The following RTBDN variants were observed in gnomAD, a reference collection of about 807,000 sequenced individuals.
RTBDN encodes retbindin.
Under a neutral mutation model 21.9 loss-of-function variants are expected in RTBDN, and 24 were observed. The ratio of observed to expected loss-of-function variants is 1.10; its 90% CI spans 0.79 to 1.54. RTBDN has a LOEUF of 1.54. RTBDN is among the 40% of genes most tolerant of loss of function. The probability of loss-of-function intolerance (pLI) is 0.00; values close to 1 mark genes in which losing one functional copy is unlikely to be tolerated. For missense variants in RTBDN, 325 were observed against 315.2 expected (o/e 1.03, Z -0.23); for synonymous variants, 141 against 125.9 (o/e 1.12, Z -0.80).
At chr19:12,826,567 G>T (rs765040748) in intron 5 of RTBDN, 16 of 701,270 alleles carry the variant, frequency 2.3e-5, no homozygotes, top group Non-Finnish European at 3.6e-5. Flanking sequence ...GGTGGCATGC[G>T]CCTGAAATCC....
At chr19:12,826,045 AGCGT>A in intron 5 of RTBDN, 112 bp from the exon 6 acceptor site, 1 of 1,430,018 alleles carries the variant, frequency 7.0e-7, no homozygotes, top group Non-Finnish European at 9.2e-7. Flanking sequence ...TCAGAGCCGG[AGCGT>A]GCGGCCTGGG....
rs1326205977 is a variant in RTBDN, at chr19:12,825,680, TC to T, written c.*25del. ...GGGGCGGGGCTGGGGGAAGGGTCGC[TC>T]CCCCAACTCAGGGCCACGCGTCCGC... On this transcript the variant is annotated 3_prime_UTR_variant, in exon 6 of 6. Coordinates refer to ENST00000674343, the MANE Select transcript of RTBDN (RefSeq NM_001270441.2). 2.6e-6 allele frequency: 4 copies of T among 1,544,356 alleles called. No individual in the cohort carries two copies. Among genetic ancestry groups the T allele is most frequent in the Non-Finnish European group, 3.5e-6 (4 of 1,145,322 alleles).
intron 1 of RTBDN, among the ~76,000 whole-genome samples, chr19:12,832,222 T>C (rs2145864094): frequency 6.6e-6 from 1 of 152,296 alleles, no homozygotes; most frequent in Non-Finnish European, 1.5e-5. Flanking sequence ...GTGCCTCTCA[T>C]CTCAGGGCAA....
In RTBDN at chr19:12,834,041, G is replaced by T; in HGVS notation, c.-19+448C>A. 1 of 398,516 alleles carries T rather than the reference G, an allele frequency of 2.5e-6. No homozygotes were observed. The highest frequency in any genetic ancestry group is 4.4e-6 in the Non-Finnish European group (1 of 225,994). 24.7% of individuals were successfully genotyped at this position (398,516 alleles called of 1,614,324 possible). ...TGCCTGGGCCCCGGGTGGAGAGGAA[G>T]GGGTCGGCGCCCTGGGGCGGGGCTG... On this transcript the variant is annotated intron_variant, in intron 1 of 5. Coordinates refer to ENST00000674343, the MANE Select transcript of RTBDN (RefSeq NM_001270441.2). This position sits in a 1 kb window ranked among gnomAD's most constrained non-coding sequence, Gnocchi z 4.7.
At chr19:12,832,141 T>A (rs1969596640) in intron 1 of RTBDN, among the ~76,000 whole-genome samples, 1 of 152,170 alleles carries the variant, frequency 6.6e-6, no homozygotes, top group Non-Finnish European at 1.5e-5. Flanking sequence ...GTGGAGTATA[T>A]GTTTGCAGAG....
rs1969323835 is a variant in RTBDN at position 12,826,857 on chromosome 19, T to A, written c.380A>T (p.Glu127Val). 3 of 1,551,702 alleles carry A rather than the reference T, an allele frequency of 1.9e-6. No individual in the cohort carries two copies. Among genetic ancestry groups the A allele is most frequent in the Non-Finnish European group, 2.6e-6 (3 of 1,148,026 alleles). Residue 127 changes from glutamate (E) to valine (V), a missense_variant, in exon 5 of 6, where the codon GAA becomes GTA. By Grantham distance (121) the Glu-to-Val change is moderately radical. Coordinates refer to ENST00000674343, the MANE Select transcript of RTBDN (RefSeq NM_001270441.2). ...AGTCGGGCCGCAGGTGATATCATCT[T>A]CGCAGTTGGCGAACCTGGAGATGGC... ...ELCQAWFANCEDDITCGPTWL... is the reference protein window; with the variant it reads ...ELCQAWFANCVDDITCGPTWL...
upstream of RTBDN, chr19:12,835,380 T>G: frequency 2.1e-6 from 1 of 470,820 alleles, no homozygotes. Flanking sequence ...GCGGCAAAGT[T>G]AGAGCAAGTA....
At chr19:12,828,277 C>G (rs1436933262) in intron 4 of RTBDN, among the ~76,000 whole-genome samples, 2 of 151,548 alleles carry the variant, frequency 1.3e-5, no homozygotes, top group Admixed American at 6.6e-5. Context: ...GCGCCTGTAA[C>G]CACAGCTACT....
chr19:12,834,896 A>C, upstream of RTBDN: 1 of 1,600,902 alleles, frequency 6.2e-7, no homozygotes, highest in Non-Finnish European at 8.6e-7. This position sits in a 1 kb window ranked among gnomAD's most constrained non-coding sequence, Gnocchi z 4.7. Context: ...TCCGGTCCCA[A>C]ACATCCCAGA....
At chr19:12,835,084 T>C, upstream of RTBDN, 1 of 1,612,766 alleles carries the variant, frequency 6.2e-7, no homozygotes, top group Non-Finnish European at 8.5e-7. Flanking sequence ...AACCCTCACC[T>C]AGGGCTTCGT....
chr19:12,826,768 C>A lies in RTBDN; in HGVS notation c.462+7G>T. On this transcript the variant is annotated splice_region_variant and intron_variant, in intron 5 of 5. Coordinates refer to ENST00000674343, the MANE Select transcript of RTBDN (RefSeq NM_001270441.2). ...TCTCTTCCCTTCACCTTCTGCCCCA[C>A]GCTCACCTGTCCATAGGTAAGGCAG... 6.5e-7 allele frequency: 1 copy of A among 1,530,026 alleles called. No individual in the cohort carries two copies. Among genetic ancestry groups the A allele is most frequent in the South Asian group, 1.2e-5 (1 of 83,610 alleles). The allele number at this position is 1,530,026 out of a possible 1,614,324, so 94.8% of individuals were successfully genotyped here. A position where few individuals can be genotyped will look rare whatever the true frequency, so the allele number is the denominator to read the frequency against.
intron 5 of RTBDN, 109 bp downstream of exon 5, chr19:12,826,666 C>T (rs1969312470): frequency 2.3e-6 from 2 of 882,554 alleles, no homozygotes; most frequent in South Asian, 1.5e-5. Context: ...TGCACTCCAG[C>T]CTGGGTGACA....
intron 1 of RTBDN, chr19:12,833,938 C>G (rs996816744): frequency 2.5e-5 from 10 of 396,232 alleles, no homozygotes; most frequent in African/African-American, 1.9e-4. Flanking sequence ...CCTCCTCCCT[C>G]CCCGGGCCGA....
In RTBDN at chr19:12,828,912, C is replaced by T. The variant is rs1431198544; in HGVS notation, c.211G>A (p.Gly71Ser). The change falls in exon 3 of 6, where the codon GGC becomes AGC. Residue 71 changes from glycine to serine, a missense_variant. Physicochemically the swap from Gly to Ser is moderately conservative, Grantham distance 56 (BLOSUM62 0). Transcript: ENST00000674343. ...CAGCGTTCTGGATGGTTTCCAGGGC[C>T]CGATGTCTCTGTTGTGTCCATCTCT... ...PSEMDTTETS[G>S]PGNHPERCGV... 6.8e-6 allele frequency: 11 copies of T among 1,614,004 alleles called. No individual in the cohort carries two copies. Among genetic ancestry groups the T allele is most frequent in the Non-Finnish European group, 9.3e-6 (11 of 1,180,032 alleles).
At position 12,829,922 on chromosome 19, in the gene RTBDN, A is replaced by G; in HGVS notation, c.58T>C (p.Leu20=). 1 of 1,614,142 alleles carries G rather than the reference A, an allele frequency of 6.2e-7. No individual in the cohort carries two copies. The highest frequency in any genetic ancestry group is 8.5e-7 in the Non-Finnish European group (1 of 1,180,000). The part of the protein sequence containing the change: ...IGLTWVLQLT[L]AWILLEACGG... ...CAGGCTTCTAGCAGGATCCATGCCA[A>G]GGTCAGTTGCAGCACCCACGTCAGG... The change falls in exon 2 of 6, where the codon TTG becomes CTG. Residue 20 remains leucine (L), a synonymous_variant. Transcript: ENST00000674343.
upstream of RTBDN, chr19:12,834,776 A>G (rs747088966): frequency 6.2e-7 from 1 of 1,613,962 alleles, no homozygotes; most frequent in South Asian, 1.1e-5. The surrounding 1 kb of genome is among the most constrained non-coding windows in gnomAD (Gnocchi z 4.7). Flanking sequence ...AGGTGTCAGG[A>G]GCTCCTACCT....
chr19:12,829,071 A>G (rs956258113), intron 2 of RTBDN, 118 bp from the exon 3 acceptor site: 14 of 1,490,982 alleles, frequency 9.4e-6, no homozygotes, highest in African/African-American at 2.8e-5. Context: ...TCACAAACCC[A>G]TAACTTAAGA....
At chr19:12,833,017 C>T (rs1447228242) in intron 1 of RTBDN, 3 of 152,168 alleles carry the variant, frequency 2.0e-5, no homozygotes, top group Non-Finnish European at 4.4e-5. Context: ...AGCTGAAAAG[C>T]GCTTTAACTG....
chr19:12,831,345 C>A (rs1223371808), intron 1 of RTBDN, among the ~76,000 whole-genome samples: 1 of 152,180 alleles, frequency 6.6e-6, no homozygotes, highest in Non-Finnish European at 1.5e-5. Context: ...CTCATCCATT[C>A]ATTCAACAAA....
Sources: allele counts gnomAD v4.1 joint callset (sites outside exome capture counted in the v4.1 genomes callset), GRCh38; gene constraint gnomAD v4.1.1; non-coding constraint Gnocchi (gnomAD v3.1); transcripts MANE v1.5; gene names NCBI Gene and HGNC (gene_info 2026-07-23, HGNC 2026-07-21).